The following PIK3CB variants were observed in gnomAD, a reference collection of about 807,000 sequenced individuals.
The protein encoded by PIK3CB is phosphatidylinositol-4,5-bisphosphate 3-kinase catalytic subunit beta.
In PIK3CB, 39 loss-of-function variants were observed where a neutral mutation model predicts 136.8. The observed-to-expected ratio is 0.29, with a 90% CI of 0.22 to 0.37. The LOEUF is 0.37. Ranked by LOEUF, PIK3CB falls within the 10% of genes least tolerant of loss-of-function variation. The pLI is 1.00. For missense variants in PIK3CB, 868 were observed against 1,275.4 expected, an observed-to-expected ratio of 0.68 and a Z score of 4.87; for synonymous variants, 428 against 436.6, an observed-to-expected ratio of 0.98 and a Z score of 0.25.
At chr3:138,779,467 T>C (rs1158115100) in intron 2 of PIK3CB, among the ~76,000 whole-genome samples, 1 of 145,016 alleles carries the variant, frequency 6.9e-6, no homozygotes, top group Non-Finnish European at 1.5e-5. Flanking sequence ...CTTGGCTCAC[T>C]GCAACATCTA....
At chr3:138,691,199 C>G in intron 14 of PIK3CB, 56 bp from the exon 15 acceptor site, 7 of 1,508,610 alleles carry the variant, frequency 4.6e-6, no homozygotes, top group Non-Finnish European at 9.1e-7. Flanking sequence ...AGAAAAAGAT[C>G]CCTTGGTATC....
intron 19 of PIK3CB, among the ~76,000 whole-genome samples, chr3:138,667,630 C>T (rs1280185259): frequency 2.6e-5 from 4 of 151,128 alleles, no homozygotes; most frequent in Admixed American, 1.3e-4. Context: ...GGCGCAATCT[C>T]GGCTCACTGC....
intron 19 of PIK3CB, among the ~76,000 whole-genome samples, chr3:138,681,142 G>A (rs1160738903): frequency 6.6e-6 from 1 of 151,046 alleles, no homozygotes; most frequent in Admixed American, 6.6e-5. Context: ...CACTTCCCGG[G>A]TTTAAGCGAT....
chr3:138,826,459 C>A (rs1280051988), intron 1 of PIK3CB: 1 of 675,544 alleles, frequency 1.5e-6, no homozygotes, highest in Non-Finnish European at 2.4e-6. Context: ...GCACTGTAAA[C>A]CCCTCAGAAG....
intron 2 of PIK3CB, among the ~76,000 whole-genome samples, chr3:138,790,770 T>C (rs994689176): frequency 3.0e-4 from 44 of 147,402 alleles, no homozygotes; most frequent in African/African-American, 1.1e-3. Flanking sequence ...GCCAAGATCG[T>C]GCCACTGTAC....
intron 11 of PIK3CB, among the ~76,000 whole-genome samples, chr3:138,704,713 A>G (rs960379392): frequency 5.9e-5 from 9 of 152,190 alleles, no homozygotes; most frequent in African/African-American, 2.2e-4. Flanking sequence ...ACTCCTAGGA[A>G]GCACTAAAAT....
At chr3:138,733,276 T>A (rs2045027724) in intron 8 of PIK3CB, 85 bp downstream of exon 8, 1 of 558,128 alleles carries the variant, frequency 1.8e-6, no homozygotes, top group South Asian at 2.8e-5. Context: ...TAAAATTCAA[T>A]CTCCAATGTG....
intron 4 of PIK3CB, among the ~76,000 whole-genome samples, chr3:138,745,509 T>G (rs955992752): frequency 6.6e-6 from 1 of 152,092 alleles, no homozygotes; most frequent in Non-Finnish European, 1.5e-5. Context: ...GGTGTGTGCC[T>G]GTAATCTCAG....
chr3:138,765,746 T>C (rs1464051542), intron 2 of PIK3CB, among the ~76,000 whole-genome samples: 1 of 151,116 alleles, frequency 6.6e-6, no homozygotes, highest in African/African-American at 2.4e-5. Context: ...CCCATCTACC[T>C]GGAAGGCTAA....
intron 18 of PIK3CB, 131 bp downstream of exon 18, chr3:138,683,547 G>T: frequency 1.6e-6 from 1 of 617,992 alleles, no homozygotes; most frequent in Non-Finnish European, 2.9e-6. Context: ...CTTGACTTTA[G>T]GACCATTAAT....
chr3:138,814,926 A>T (rs1305255000), intron 1 of PIK3CB, among the ~76,000 whole-genome samples: 1 of 151,970 alleles, frequency 6.6e-6, no homozygotes. Context: ...TCATGAGGTC[A>T]AGAGATCGAG....
intron 11 of PIK3CB, among the ~76,000 whole-genome samples, chr3:138,705,283 G>A (rs1175125983): frequency 1.3e-5 from 2 of 150,020 alleles, no homozygotes; most frequent in African/African-American, 4.9e-5. Context: ...GCCTATAACT[G>A]TTGAACACAC....
intron 2 of PIK3CB, among the ~76,000 whole-genome samples, chr3:138,795,209 A>G (rs1480988333): frequency 6.0e-5 from 9 of 151,044 alleles, no homozygotes; most frequent in Non-Finnish European, 1.3e-4. Context: ...AATCCCAGCT[A>G]CTTGGGAGAC....
At chr3:138,830,509 C>T (rs1253169666) in intron 1 of PIK3CB, among the ~76,000 whole-genome samples, 1 of 151,558 alleles carries the variant, frequency 6.6e-6, no homozygotes, top group Non-Finnish European at 1.5e-5. Context: ...GCCAAGATGG[C>T]GCCACCGCAC....
chr3:138,688,759 A>C (rs1469456445), intron 16 of PIK3CB, 116 bp downstream of exon 16: 38 of 634,272 alleles, frequency 6.0e-5, no homozygotes, highest in Non-Finnish European at 5.7e-6. Flanking sequence ...CATTTGATAA[A>C]ACTGATCAAA....
intron 2 of PIK3CB, among the ~76,000 whole-genome samples, chr3:138,762,619 A>G (rs2045677609): frequency 6.6e-6 from 1 of 152,176 alleles, no homozygotes; most frequent in Admixed American, 6.5e-5. Context: ...TAAGCATTCA[A>G]TAAGTATTTG....
chr3:138,740,533 C>T (rs1407869717), intron 5 of PIK3CB, among the ~76,000 whole-genome samples: 2 of 152,176 alleles, frequency 1.3e-5, no homozygotes, highest in East Asian at 1.9e-4. Context: ...TGAGAAGTCG[C>T]ATGCCTCCTC....
intron 19 of PIK3CB, among the ~76,000 whole-genome samples, chr3:138,674,398 A>G (rs2043603008): frequency 6.6e-6 from 1 of 152,154 alleles, no homozygotes; most frequent in African/African-American, 2.4e-5. Context: ...CCAGGCATTT[A>G]AGAAAATCAG....
rs181678921 is a variant in PIK3CB at position 138,758,030 on chromosome 3, A to G, written c.171+1143T>C. Reference sequence around the variant, plus strand: ...GCAACCCAAATGTTCATCAACAGATAAATATACAAAATGTGGCATATACAT... The same window carrying G: ...GCAACCCAAATGTTCATCAACAGATGAATATACAAAATGTGGCATATACAT... On this transcript the variant is annotated intron_variant, in intron 3 of 23. Transcript: ENST00000674063. Among the ~76,000 whole-genome samples, 246 of 152,346 alleles carry G rather than the reference A, an allele frequency of 1.6e-3. 2 individuals carry two copies. Among genetic ancestry groups the G allele is most frequent in the African/African-American group, 5.1e-3 (214 of 41,590 alleles).
Sources: allele counts gnomAD v4.1 joint callset (sites outside exome capture counted in the v4.1 genomes callset), GRCh38; gene constraint gnomAD v4.1.1; transcripts MANE v1.5; gene names NCBI Gene and HGNC (gene_info 2026-07-23, HGNC 2026-07-21).